SLC8B1: variants seen among roughly 807,000 people sequenced by gnomAD.
The protein encoded by SLC8B1 is mitochondrial sodium/calcium exchanger protein.
A neutral mutation model predicts 63.4 loss-of-function variants in SLC8B1; 52 were observed. The ratio of observed to expected loss-of-function variants is 0.82; its 90% confidence interval spans 0.66 to 1.03. SLC8B1 has a LOEUF of 1.03. SLC8B1 is among the 50% of genes least tolerant of loss of function. The pLI is 0.00. For synonymous variants in SLC8B1, 336 were observed against 323.9 expected, an observed-to-expected ratio of 1.04 and a Z score of -0.40; for missense variants, 657 against 741.7, an observed-to-expected ratio of 0.89 and a Z score of 1.33.
At chr12:113,308,362 T>C (rs1021177042) in intron 12 of SLC8B1, 1 of 151,926 alleles carries the variant, frequency 6.6e-6, no homozygotes, top group Non-Finnish European at 1.5e-5. Flanking sequence ...AGAAAAAAAA[T>C]AAAAACAAAA....
At chr12:113,313,030 C>T (rs1956784656) in intron 11 of SLC8B1, among the ~76,000 whole-genome samples, 2 of 152,030 alleles carry the variant, frequency 1.3e-5, no homozygotes. Context: ...CTTACCCTCC[C>T]AAGTACCTGG....
intron 15 of SLC8B1, among the ~76,000 whole-genome samples, chr12:113,302,860 AG>A (rs565900284): frequency 1.3e-5 from 2 of 152,330 alleles, no homozygotes; most frequent in East Asian, 3.9e-4. Flanking sequence ...CTGAAAACAG[AG>A]ATGGGACCGT....
chr12:113,304,404 A>C lies in SLC8B1; in HGVS notation c.1493-19T>G, dbSNP rs765685023. 3 of 1,612,848 alleles carry C rather than the reference A, an allele frequency of 1.9e-6. No homozygotes were observed. Among genetic ancestry groups the C allele is most frequent in the Middle Eastern group, 1.7e-4 (1 of 6,038 alleles). ...AGGATGTCTGCAGCCCAGCTCAGGA[A>C]GCTTTGCTGGAATGGCCTGCACATA... On this transcript the variant is annotated intron_variant, in intron 14 of 15. Coordinates refer to ENST00000680972, the MANE Select transcript of SLC8B1 (RefSeq NM_001358345.2).
At chr12:113,330,094 C>A (rs1957039180) in intron 2 of SLC8B1, among the ~76,000 whole-genome samples, 1 of 152,226 alleles carries the variant, frequency 6.6e-6, no homozygotes, top group Non-Finnish European at 1.5e-5. Flanking sequence ...GCACCCCCCT[C>A]CCCCTCACCC....
At chr12:113,328,433 T>A (rs138382761) in intron 2 of SLC8B1, among the ~76,000 whole-genome samples, 30 of 152,224 alleles carry the variant, frequency 2.0e-4, no homozygotes, top group African/African-American at 7.2e-4. Flanking sequence ...CTACCCCCAA[T>A]CTTACCAGAG....
At chr12:113,313,524 T>C (rs1350979144) in intron 11 of SLC8B1, among the ~76,000 whole-genome samples, 1 of 152,092 alleles carries the variant, frequency 6.6e-6, no homozygotes, top group Non-Finnish European at 1.5e-5. Context: ...GTGGATCACC[T>C]GAGGTCAAGA....
At position 113,320,230 on chromosome 12, in the gene SLC8B1, G is replaced by GC. The variant is rs1566238147; in HGVS notation, c.694+100dup. 7.3e-7 allele frequency: 1 copy of GC among 1,368,240 alleles called. No homozygotes were observed. The highest frequency in any genetic ancestry group is 2.2e-5 in the Admixed American group (1 of 44,720). 84.8% of individuals were successfully genotyped at this position (1,368,240 alleles called of 1,614,324 possible). On this transcript the variant is annotated intron_variant, in intron 7 of 15. Transcript: ENST00000680972. The surrounding 1 kb of genome is among the most constrained non-coding windows in gnomAD (Gnocchi z 5.3). ...TTCTGTCACTTGTAATCAAATCAAAGCCCCCACTGACCACCCCTCACACCT... is the reference window on the plus strand; with the variant it reads ...TTCTGTCACTTGTAATCAAATCAAAGCCCCCCACTGACCACCCCTCACACCT...
intron 2 of SLC8B1, among the ~76,000 whole-genome samples, chr12:113,321,868 G>A (rs1956936965): frequency 6.6e-6 from 1 of 151,788 alleles, no homozygotes; most frequent in Non-Finnish European, 1.5e-5. Flanking sequence ...AGTGCTAAGA[G>A]CTTAAAATGT....
chr12:113,313,880 G>A (rs1956796283), intron 11 of SLC8B1, among the ~76,000 whole-genome samples: 2 of 152,092 alleles, frequency 1.3e-5, no homozygotes, highest in South Asian at 4.1e-4. Flanking sequence ...CATGGTGGCA[G>A]GTGCCTGTAA....
At chr12:113,307,632 G>A in intron 13 of SLC8B1, 59 bp downstream of exon 13, 2 of 1,568,482 alleles carry the variant, frequency 1.3e-6, no homozygotes, top group Non-Finnish European at 8.7e-7. Flanking sequence ...GCTGGGGGAG[G>A]AAAGAGCTAA....
chr12:113,325,616 C>G (rs1195239472), intron 2 of SLC8B1, among the ~76,000 whole-genome samples: 2 of 149,802 alleles, frequency 1.3e-5, no homozygotes, highest in Admixed American at 6.7e-5. Flanking sequence ...CCAGGCCAGA[C>G]TGCAGTGGCG....
chr12:113,333,822 C>A (rs1016043239), intron 1 of SLC8B1, among the ~76,000 whole-genome samples: 1 of 152,228 alleles, frequency 6.6e-6, no homozygotes, highest in Non-Finnish European at 1.5e-5. Flanking sequence ...GATTCTCCTG[C>A]CTCAGCCTCC....
chr12:113,332,628 G>T lies in SLC8B1; in HGVS notation c.156+95C>A, dbSNP rs891843370. On this transcript the variant is annotated intron_variant, in intron 2 of 15. Transcript: ENST00000680972. The stretch of plus-strand genomic sequence containing the variant: ...TGTTCCCCGGTATATCCCAGGCTGC[G>T]GTCAGTGCCTGGCACATAGTAGATG... The T allele has an allele frequency of 2.8e-6, 4 of 1,407,780 alleles. No homozygotes were observed. The African/African-American group carries it at 4.3e-5, about 15-fold the overall frequency. 87.2% of individuals were successfully genotyped at this position (1,407,780 alleles called of 1,614,324 possible).
rs898962979 is a variant in SLC8B1 at position 113,298,797 on chromosome 12, G to A, written c.*980C>T. Reference sequence around the variant, plus strand: ...TGAAATTTTGACTTTTTTTTTATTTGGAAAAGAGACAGTTGAATCCCTTTT... The same window carrying A: ...TGAAATTTTGACTTTTTTTTTATTTAGAAAAGAGACAGTTGAATCCCTTTT... On this transcript the variant is annotated 3_prime_UTR_variant, in exon 16 of 16. Transcript: ENST00000680972. 3.3e-5 allele frequency: 5 copies of A among 151,826 alleles called. No individual in the cohort carries two copies. The highest frequency in any genetic ancestry group is 3.3e-4 in the Admixed American group (5 of 15,256). The allele number at this position is 151,826 out of a possible 1,614,324, so 9.4% of individuals were successfully genotyped here.
chr12:113,310,243 C>G lies in SLC8B1; in HGVS notation c.1248G>C (p.Arg416Ser). 6.2e-7 allele frequency: 1 copy of G among 1,613,806 alleles called. No homozygotes were observed. The highest frequency in any genetic ancestry group is 8.5e-7 in the Non-Finnish European group (1 of 1,179,912). ...FFATSDSQPPRLHWLFAFLGF... is the reference protein window; with the variant it reads ...FFATSDSQPPSLHWLFAFLGF... The stretch of plus-strand genomic sequence containing the variant: ...AACCCGGGCTTCTTACCCAGTGAAG[C>G]CTGGGGGGCTGGCTGTCAGATGTGG... Residue 416 changes from arginine to serine, a missense_variant, in exon 12 of 16, where the codon AGG becomes AGC. Transcript: ENST00000680972.
At position 113,334,628 on chromosome 12, in the gene SLC8B1, A is replaced by C. The variant is rs1024841737; in HGVS notation, c.-268T>G. On this transcript the variant is annotated 5_prime_UTR_variant, in exon 1 of 16. It removes an upstream start codon present in the reference 5' UTR. Transcript: ENST00000680972. Reference sequence around the variant, plus strand: ...CACCTCTCTGGGCCTCTTATTCCTCATGTGTGAAATGGACACAAATGCTGG... The same window carrying C: ...CACCTCTCTGGGCCTCTTATTCCTCCTGTGTGAAATGGACACAAATGCTGG... 1 of 152,240 alleles carries C rather than the reference A, an allele frequency of 6.6e-6. No homozygotes were observed. Among genetic ancestry groups the C allele is most frequent in the East Asian group, 1.9e-4 (1 of 5,192 alleles). The allele number at this position is 152,240 out of a possible 1,614,324, so 9.4% of individuals were successfully genotyped here.
At chr12:113,315,732 T>C (rs191432707) in intron 10 of SLC8B1, among the ~76,000 whole-genome samples, 30 of 152,340 alleles carry the variant, frequency 2.0e-4, no homozygotes, top group Non-Finnish European at 2.8e-4. Flanking sequence ...AGCAGGGTTG[T>C]TCCTTCTGGA....
chr12:113,316,809 C>T, intron 9 of SLC8B1, 133 bp downstream of exon 9: 1 of 1,485,720 alleles, frequency 6.7e-7, no homozygotes, highest in Non-Finnish European at 9.2e-7. Context: ...CCTTGGCTCA[C>T]CTGAGCTGCA....
intron 8 of SLC8B1, among the ~76,000 whole-genome samples, chr12:113,318,610 AT>A (rs1956877402): frequency 6.6e-6 from 1 of 151,946 alleles, no homozygotes; most frequent in African/African-American, 2.4e-5. Flanking sequence ...AATATTATTG[AT>A]TTCTTTGTAT....
Sources: gnomAD v4.1 joint callset for allele counts (sites outside exome capture counted in the v4.1 genomes callset) on GRCh38, gnomAD v4.1.1 for gene constraint, Gnocchi (gnomAD v3.1) non-coding constraint, MANE v1.5 for transcripts, NCBI Gene and HGNC (gene_info 2026-07-23, HGNC 2026-07-21) for gene names.